Variants in FBXL20 observed in about 807,000 individuals in gnomAD.
FBXL20 encodes the protein F-box and leucine rich repeat protein 20, also known as F-box/LRR-repeat protein 20.
A neutral mutation model predicts 64.0 loss-of-function variants in FBXL20; 11 were observed. The ratio of observed to expected loss-of-function variants is 0.17; its 90% CI spans 0.11 to 0.28. The LOEUF is 0.28. FBXL20 is among the 10% of genes least tolerant of loss of function. FBXL20 has a pLI of 1.00. For missense variants in FBXL20, 303 were observed against 526.2 expected (o/e 0.58, Z 4.15); for synonymous variants, 184 against 189.0 (o/e 0.97, Z 0.22).
intron 1 of FBXL20, among the ~76,000 whole-genome samples, chr17:39,362,462 T>C (rs567271747): frequency 5.3e-5 from 8 of 152,112 alleles, no homozygotes; most frequent in Non-Finnish European, 7.4e-5. Context: ...TAGCTGGGAT[T>C]ACAGGCATGT....
At chr17:39,281,836 A>G (rs1597773018) in intron 8 of FBXL20, among the ~76,000 whole-genome samples, 1 of 152,334 alleles carries the variant, frequency 6.6e-6, no homozygotes, top group South Asian at 2.1e-4. Flanking sequence ...AGTTTTTTAT[A>G]AACAAACTTT....
chr17:39,356,165 A>G (rs1307172609), intron 1 of FBXL20, among the ~76,000 whole-genome samples: 2 of 144,898 alleles, frequency 1.4e-5, no homozygotes, highest in Non-Finnish European at 3.0e-5. Flanking sequence ...CAGTGAGCTG[A>G]GATTGTGCCA....
intron 2 of FBXL20, among the ~76,000 whole-genome samples, chr17:39,313,120 T>C (rs1245688162): frequency 6.6e-6 from 1 of 150,920 alleles, no homozygotes; most frequent in Non-Finnish European, 1.5e-5. Flanking sequence ...GGTTTCACCA[T>C]GTTCGTCAGG....
At chr17:39,326,748 T>C (rs972854760) in intron 2 of FBXL20, among the ~76,000 whole-genome samples, 1 of 151,846 alleles carries the variant, frequency 6.6e-6, no homozygotes, top group African/African-American at 2.4e-5. Context: ...ACCTCCCAAG[T>C]AGTTAGGACT....
intron 6 of FBXL20, among the ~76,000 whole-genome samples, chr17:39,290,964 A>T (rs1029886899): frequency 3.5e-5 from 5 of 144,002 alleles, no homozygotes; most frequent in African/African-American, 5.0e-5. Context: ...TCCATTCTGT[A>T]TTTTTTTTTT....
intron 1 of FBXL20, among the ~76,000 whole-genome samples, chr17:39,371,990 G>C (rs1244991557): frequency 6.6e-6 from 1 of 152,144 alleles, no homozygotes; most frequent in African/African-American, 2.4e-5. Flanking sequence ...GGTACCTTCA[G>C]GTTCTGAACT....
chr17:39,343,271 TTACTTAACATTTTA>T (rs767572062), intron 1 of FBXL20, 30 bp from the exon 2 acceptor site: 1 of 1,477,192 alleles, frequency 6.8e-7, no homozygotes, highest in South Asian at 1.2e-5. Context: ...GTGTCAAGTG[TTACTTAACATTTTA>T]TTACAGAATG....
chr17:39,265,717 T>A (rs1433916408), intron 12 of FBXL20, among the ~76,000 whole-genome samples: 2 of 151,062 alleles, frequency 1.3e-5, no homozygotes, highest in African/African-American at 4.9e-5. Context: ...GAGACAGGGT[T>A]TCCCTATGTT....
intron 5 of FBXL20, 77 bp from the exon 6 acceptor site, chr17:39,297,272 T>TACCA: frequency 2.5e-6 from 2 of 805,036 alleles, no homozygotes; most frequent in Non-Finnish European, 4.1e-6. Context: ...TAAAATATAT[T>TACCA]ATTATTGGTA....
chr17:39,338,535 A>T lies in FBXL20; in HGVS notation c.104+4645T>A, dbSNP rs77967062. Reference sequence around the variant, plus strand: ...GAGAAACACCAGAATGATCAATAAAAAATAATAATAATAATAATAAACGAA... The same window carrying T: ...GAGAAACACCAGAATGATCAATAAATAATAATAATAATAATAATAAACGAA... On this transcript the variant is annotated intron_variant, in intron 2 of 14. Transcript: ENST00000264658. Among the ~76,000 whole-genome samples the T allele has an allele frequency of 2.6e-5, 4 of 151,228 alleles. No individual in the cohort carries two copies. In the East Asian group the frequency reaches 7.8e-4, roughly 29 times the overall value.
chr17:39,318,924 A>ATT (rs1283306795), intron 2 of FBXL20, among the ~76,000 whole-genome samples: 2 of 152,094 alleles, frequency 1.3e-5, no homozygotes, highest in Non-Finnish European at 2.9e-5. Context: ...CCAACTTAAC[A>ATT]ATCAGCAAAA....
At position 39,264,324 on chromosome 17, in the gene FBXL20, C is replaced by T. The variant is rs2144338098; in HGVS notation, c.1054G>A (p.Ala352Thr). 5 of 1,614,104 alleles carry T rather than the reference C, an allele frequency of 3.1e-6. 1 individual carries two copies. Among genetic ancestry groups the T allele is most frequent in the Non-Finnish European group, 8.5e-7 (1 of 1,180,042 alleles). Residue 352 changes from alanine (A) to threonine (T), a missense_variant, in exon 14 of 15, where the codon GCC (alanine) becomes ACC (threonine). By Grantham distance (58) the Ala-to-Thr change is moderately conservative. Coordinates refer to ENST00000264658, the MANE Select transcript of FBXL20 (RefSeq NM_032875.3). ...GIRHLGNGAC[A>T]HDQLEVIELD... is the part of the protein sequence containing the mutation. The stretch of plus-strand genomic sequence containing the variant: ...TCAATCACCTCCAGCTGGTCATGGG[C>T]GCAGGCCCCATTCCCCAGGTGACGA...
At chr17:39,357,403 A>G (rs542270989) in intron 1 of FBXL20, among the ~76,000 whole-genome samples, 1 of 152,106 alleles carries the variant, frequency 6.6e-6, no homozygotes, top group South Asian at 2.1e-4. Flanking sequence ...ATCTATACAT[A>G]TATCTTTATG....
rs942701046 is a variant in FBXL20 at position 39,255,890 on chromosome 17, T to C, written c.*5570A>G. On this transcript the variant is annotated 3_prime_UTR_variant, in exon 15 of 15. Coordinates refer to ENST00000264658, the MANE Select transcript of FBXL20 (RefSeq NM_032875.3). ...TTAGTAACCTAGTAACCTATGTTCTTTGCTGGAGAATCAAAATGTCAAGTT... is the reference window on the plus strand; with the variant it reads ...TTAGTAACCTAGTAACCTATGTTCTCTGCTGGAGAATCAAAATGTCAAGTT... 1.3e-5 allele frequency: 2 copies of C among 152,156 alleles called. No homozygotes were observed. Among genetic ancestry groups the C allele is most frequent in the Non-Finnish European group, 2.9e-5 (2 of 68,026 alleles). The allele number at this position is 152,156 out of a possible 1,614,324, so 9.4% of individuals were successfully genotyped here.
At chr17:39,399,547 T>C (rs1436353888) in intron 1 of FBXL20, among the ~76,000 whole-genome samples, 1 of 152,216 alleles carries the variant, frequency 6.6e-6, no homozygotes, top group Non-Finnish European at 1.5e-5. Context: ...CTTCACATCA[T>C]ATTAAGTGAA....
chr17:39,303,410 T>C (rs1001304892), intron 3 of FBXL20, among the ~76,000 whole-genome samples, 175 bp downstream of exon 3: 8 of 152,156 alleles, frequency 5.3e-5, no homozygotes, highest in African/African-American at 1.9e-4. Flanking sequence ...ACAGTATATA[T>C]AGTAGAATCC....
intron 12 of FBXL20, among the ~76,000 whole-genome samples, chr17:39,267,927 A>G (rs2046806872): frequency 6.6e-6 from 1 of 152,182 alleles, no homozygotes; most frequent in Non-Finnish European, 1.5e-5. Context: ...AAAACAAAAA[A>G]TTTTTTAGAA....
chr17:39,397,833 A>G (rs984130912), intron 1 of FBXL20, among the ~76,000 whole-genome samples: 3 of 151,664 alleles, frequency 2.0e-5, no homozygotes, highest in Non-Finnish European at 2.9e-5. Flanking sequence ...TGCTAAAAAA[A>G]AAAGCAGGAT....
chr17:39,379,039 C>A (rs1308092498), intron 1 of FBXL20, among the ~76,000 whole-genome samples: 1 of 150,158 alleles, frequency 6.7e-6, no homozygotes, highest in African/African-American at 2.4e-5. Flanking sequence ...ACCAGCCTAA[C>A]CAACACGGAG....
Sources: gnomAD v4.1 joint callset for allele counts (sites outside exome capture counted in the v4.1 genomes callset) on GRCh38, gnomAD v4.1.1 for gene constraint, MANE v1.5 for transcripts, NCBI Gene and HGNC (gene_info 2026-07-23, HGNC 2026-07-21) for gene names.